The following NBPF26 variants were observed in gnomAD, a reference collection of about 807,000 sequenced individuals.
NBPF26 encodes the protein NBPF member 26.
Under a neutral mutation model 119.6 loss-of-function variants are expected in NBPF26, and 79 were observed. That is an observed-to-expected ratio of 0.66 (90% confidence interval 0.55 to 0.80). The LOEUF (loss-of-function observed/expected upper bound fraction) is 0.80. Ranked by LOEUF, NBPF26 falls within the 30% of genes least tolerant of loss-of-function variation. The pLI is 0.00. For synonymous variants in NBPF26, 299 were observed against 457.7 expected, an observed-to-expected ratio of 0.65 and a Z score of 4.43; for missense variants, 800 against 1,198.2, an observed-to-expected ratio of 0.67 and a Z score of 4.91.
rs1553270793 is a variant in NBPF26 at position 120,810,230 on chromosome 1, G to C, written c.1353-117G>C. The C allele has an allele frequency of 2.7e-3, 2,721 of 1,009,174 alleles. 479 individuals are homozygous for C. Among genetic ancestry groups the C allele is most frequent in the Non-Finnish European group, 3.4e-3 (2,431 of 719,924 alleles). The allele number at this position is 1,009,174 out of a possible 1,614,324, so 62.5% of individuals were successfully genotyped here. On this transcript the variant is annotated intron_variant, in intron 8 of 29. Transcript: ENST00000620612. ...CTGTTTCCTCTTTAAGGGAACCTCCGTTTTGCTTTCTGGAACCACTCTCTT... is the reference window on the plus strand; with the variant it reads ...CTGTTTCCTCTTTAAGGGAACCTCCCTTTTGCTTTCTGGAACCACTCTCTT...
chr1:120,840,686 C>G (rs1652500509), downstream of NBPF26: 11 of 1,378,466 alleles, frequency 8.0e-6, 2 homozygotes, highest in Non-Finnish European at 1.1e-5. Flanking sequence ...ATTTGGAAGC[C>G]CAGACATAGG....
At chr1:120,732,234 C>CT (rs1174417867) in intron 1 of NBPF26, among the ~76,000 whole-genome samples, 16 of 71,894 alleles carry the variant, frequency 2.2e-4, no homozygotes, top group East Asian at 6.6e-4. Flanking sequence ...TTATTTTCAT[C>CT]TTTTTTTTTG....
intron 1 of NBPF26, among the ~76,000 whole-genome samples, chr1:120,758,157 G>C (rs1167389451): frequency 1.6e-5 from 2 of 124,598 alleles, no homozygotes; most frequent in Non-Finnish European, 3.3e-5. Context: ...CATAAACTGG[G>C]CAGAGAATGC....
chr1:120,735,392 AT>A (rs1293887517), intron 1 of NBPF26, among the ~76,000 whole-genome samples: 2 of 89,614 alleles, frequency 2.2e-5, no homozygotes, highest in African/African-American at 8.3e-5. Flanking sequence ...TAAACATCAG[AT>A]TTTTTTTTCT....
chr1:120,811,525 A>T (rs1651865839), intron 9 of NBPF26, among the ~76,000 whole-genome samples: 2 of 113,410 alleles, frequency 1.8e-5, no homozygotes, highest in Middle Eastern at 3.9e-3. Flanking sequence ...AGCCTGCGCG[A>T]CAGAGTGAGA....
chr1:120,764,276 AT>A (rs1651165822), intron 2 of NBPF26, among the ~76,000 whole-genome samples: 7 of 107,952 alleles, frequency 6.5e-5, no homozygotes, highest in African/African-American at 2.9e-4. Flanking sequence ...ATATAAAAAA[AT>A]ATATATTAGA....
chr1:120,822,087 C>G lies in NBPF26; in HGVS notation c.2424-17C>G, dbSNP rs1437712914. ...TGGTTAAATCTTCTGTCATCCCTGT[C>G]CTGCCTGGCTCATCAGGAATCTGCA... On this transcript the variant is annotated splice_polypyrimidine_tract_variant and intron_variant, in intron 15 of 29. Coordinates refer to ENST00000620612, the Ensembl canonical transcript of NBPF26. 2.8e-6 allele frequency: 4 copies of G among 1,447,326 alleles called. 1 individual carries two copies. Among genetic ancestry groups the G allele is most frequent in the Non-Finnish European group, 3.7e-6 (4 of 1,082,006 alleles). The allele number at this position is 1,447,326 out of a possible 1,614,324, so 89.7% of individuals were successfully genotyped here.
chr1:120,781,767 C>A (rs1264873830), intron 2 of NBPF26, among the ~76,000 whole-genome samples: 1 of 115,474 alleles, frequency 8.7e-6, no homozygotes, highest in Non-Finnish European at 1.7e-5. Context: ...ACTGTGTTAG[C>A]CAGGATGGTC....
In NBPF26 at chr1:120,807,393, G is replaced by A. The variant is rs1347163246; in HGVS notation, c.962-214G>A. Among the ~76,000 whole-genome samples, 18 of 124,574 alleles carry A rather than the reference G, an allele frequency of 1.4e-4. 2 individuals are homozygous for A. The highest frequency in any genetic ancestry group is 1.2e-3 in the South Asian group (5 of 4,178). The allele number at this position is 124,574 out of a possible 152,430, so 81.7% of individuals were successfully genotyped here. On this transcript the variant is annotated intron_variant, in intron 5 of 29. Transcript: ENST00000620612. ...ATCATCTTGTCAACTTCCTTGATGC[G>A]CCCTTGAGTTTCTCTTTCTTCGTCT... is the stretch of plus-strand genomic sequence containing the variant.
At chr1:120,781,895 C>T (rs1401500196) in intron 2 of NBPF26, among the ~76,000 whole-genome samples, 1 of 113,068 alleles carries the variant, frequency 8.8e-6, no homozygotes, top group African/African-American at 5.3e-5. Flanking sequence ...CTTCGAGTTC[C>T]TCATATATAA....
At position 120,790,351 on chromosome 1, in the gene NBPF26, T is replaced by C. The variant is rs1651471094; in HGVS notation, c.416-2810T>C. Among the ~76,000 whole-genome samples the C allele has an allele frequency of 1.8e-5, 2 of 114,020 alleles. 1 individual carries two copies. Among genetic ancestry groups the C allele is most frequent in the Non-Finnish European group, 3.3e-5 (2 of 60,134 alleles). 74.8% of individuals were successfully genotyped at this position (114,020 alleles called of 152,430 possible). On this transcript the variant is annotated intron_variant, in intron 3 of 29. Transcript: ENST00000620612. ...CTTTTATACATATGCTATTTTTGTC[T>C]ATCACTTTAGGAATCATCACAGATC...
At chr1:120,840,624 C>G, downstream of NBPF26, 2 of 1,455,414 alleles carry the variant, frequency 1.4e-6, no homozygotes, top group African/African-American at 2.3e-5. Context: ...AGGTGTCATT[C>G]CTGCAGGCAG....
chr1:120,793,785 A>T lies in NBPF26; in HGVS notation c.751+289A>T, dbSNP rs1277332324. On this transcript the variant is annotated intron_variant, in intron 4 of 29. Transcript: ENST00000620612. ...TAAGAGGAACAGAGCTCTGGGAAAGAGACAGGCAAGTCTGGAATGGAAAAG... is the reference window on the plus strand; with the variant it reads ...TAAGAGGAACAGAGCTCTGGGAAAGTGACAGGCAAGTCTGGAATGGAAAAG... 7 of 1,025,916 alleles carry T rather than the reference A, an allele frequency of 6.8e-6. 2 individuals carry two copies. The highest frequency in any genetic ancestry group is 7.1e-5 in the African/African-American group (2 of 28,290). 63.6% of individuals were successfully genotyped at this position (1,025,916 alleles called of 1,614,324 possible). A position where few individuals can be genotyped will look rare whatever the true frequency, so the allele number is the denominator to read the frequency against.
In NBPF26 at chr1:120,781,853, T is replaced by C. The variant is rs1301414677; in HGVS notation, c.156-3121T>C. Among the ~76,000 whole-genome samples the C allele has an allele frequency of 5.9e-5, 7 of 117,726 alleles. 1 individual carries two copies. The highest frequency in any genetic ancestry group is 3.3e-4 in the African/African-American group (7 of 20,900). 77.2% of individuals were successfully genotyped at this position (117,726 alleles called of 152,430 possible). ...GATTACTGGTGTGAGCCACCGCACC[T>C]GGCTTAGCTGTAAAATCTTAATCTT... On this transcript the variant is annotated intron_variant, in intron 2 of 29. Coordinates refer to ENST00000620612, the Ensembl canonical transcript of NBPF26.
In NBPF26 at chr1:120,814,734, C is replaced by T. The variant is rs1422694411; in HGVS notation, c.1878-95C>T. 1.8e-4 allele frequency: 138 copies of T among 758,208 alleles called. 29 individuals are homozygous for T. The highest frequency in any genetic ancestry group is 3.6e-4 in the Middle Eastern group (1 of 2,806). 47.0% of individuals were successfully genotyped at this position (758,208 alleles called of 1,614,324 possible). ...GTGCTGACCTTCTGCTTCGAGGTCT[C>T]CTTGAGGACATTGTCTCAGAAATCT... On this transcript the variant is annotated intron_variant, in intron 11 of 29. Coordinates refer to ENST00000620612, the Ensembl canonical transcript of NBPF26.
rs1489232629 is a variant in NBPF26 at position 120,764,031 on chromosome 1, G to A, written c.155+322G>A. On this transcript the variant is annotated intron_variant, in intron 2 of 29. Coordinates refer to ENST00000620612, the Ensembl canonical transcript of NBPF26. Reference sequence around the variant, plus strand: ...CAGGAGGCTGAGTTGGGCGAATCACGAGGTCAGGAGTTCAAGATCAGCCTG... The same window carrying A: ...CAGGAGGCTGAGTTGGGCGAATCACAAGGTCAGGAGTTCAAGATCAGCCTG... Among the ~76,000 whole-genome samples, 3 of 114,174 alleles carry A rather than the reference G, an allele frequency of 2.6e-5. 1 individual carries two copies. The highest frequency in any genetic ancestry group is 2.2e-4 in the East Asian group (1 of 4,646). The allele number at this position is 114,174 out of a possible 152,430, so 74.9% of individuals were successfully genotyped here.
At chr1:120,811,852 T>A in intron 9 of NBPF26, 34 bp from the exon 10 acceptor site, 1 of 747,630 alleles carries the variant, frequency 1.3e-6, no homozygotes, top group Admixed American at 2.0e-5. Context: ...CACCAGTTTT[T>A]AACCCATCAT....
At chr1:120,795,920 ATGTGTG>A (rs1177600530) in intron 4 of NBPF26, among the ~76,000 whole-genome samples, 1 of 19,604 alleles carries the variant, frequency 5.1e-5, no homozygotes. Flanking sequence ...ACATATCAAT[ATGTGTG>A]TGTGTGTGTG....
chr1:120,790,290 A>G (rs1651470250), intron 3 of NBPF26, among the ~76,000 whole-genome samples: 2 of 111,118 alleles, frequency 1.8e-5, no homozygotes, highest in Non-Finnish European at 3.4e-5. Context: ...CTGGGATTAC[A>G]GGTGTGAGCC....
Sources: gnomAD v4.1 joint callset for allele counts (sites outside exome capture counted in the v4.1 genomes callset) on GRCh38, gnomAD v4.1.1 for gene constraint, MANE v1.5 for transcripts, NCBI Gene and HGNC (gene_info 2026-07-23, HGNC 2026-07-21) for gene names.